CUL1: variants seen among roughly 807,000 people sequenced by gnomAD.
CUL1 encodes cullin-1.
A neutral mutation model predicts 118.0 loss-of-function variants in CUL1; 24 were observed. The ratio of observed to expected loss-of-function variants is 0.20; its 90% confidence interval spans 0.15 to 0.29. CUL1 has a LOEUF of 0.29. Among genes scored for constraint, CUL1 ranks in the 10% least tolerant of loss-of-function variants. The pLI is 1.00. For missense variants in CUL1, 361 were observed against 933.8 expected, an observed-to-expected ratio of 0.39 and a Z score of 7.99; for synonymous variants, 332 against 340.4, an observed-to-expected ratio of 0.98 and a Z score of 0.27.
At chr7:148,742,133 T>C (rs982406527) in intron 2 of CUL1, among the ~76,000 whole-genome samples, 2 of 152,216 alleles carry the variant, frequency 1.3e-5, no homozygotes, top group East Asian at 1.9e-4. Context: ...CTTCCTACAA[T>C]GAAGCCAACT....
intron 1 of CUL1, among the ~76,000 whole-genome samples, chr7:148,715,098 A>G (rs1422559693): frequency 6.6e-6 from 1 of 152,214 alleles, no homozygotes; most frequent in Non-Finnish European, 1.5e-5. Context: ...TGTTGTAATT[A>G]TGCTTGTATA....
intron 2 of CUL1, among the ~76,000 whole-genome samples, chr7:148,743,418 T>C (rs771895810): frequency 1.6e-4 from 25 of 152,202 alleles, no homozygotes; most frequent in Middle Eastern, 3.2e-3. Context: ...AGGGCTTTTC[T>C]TTTTTTCTTT....
At chr7:148,786,841 A>G (rs1457406149) in intron 12 of CUL1, 148 bp from the exon 13 acceptor site, 1 of 1,052,176 alleles carries the variant, frequency 9.5e-7, no homozygotes, top group Non-Finnish European at 1.4e-6. Flanking sequence ...TCTGGAGTGG[A>G]GATTTTGCCA....
chr7:148,707,100 G>A (rs1024515181), intron 1 of CUL1, among the ~76,000 whole-genome samples: 2 of 152,074 alleles, frequency 1.3e-5, no homozygotes, highest in African/African-American at 4.8e-5. Flanking sequence ...TACCTTTGAA[G>A]GAAGAAAACT....
intron 1 of CUL1, among the ~76,000 whole-genome samples, chr7:148,705,851 C>G (rs1797863308): frequency 6.6e-6 from 1 of 152,184 alleles, no homozygotes; most frequent in Non-Finnish European, 1.5e-5. Context: ...CAGACTGATT[C>G]TTCTGACTTC....
chr7:148,699,756 C>G (rs893744249), intron 1 of CUL1, among the ~76,000 whole-genome samples: 1 of 152,088 alleles, frequency 6.6e-6, no homozygotes, highest in Admixed American at 6.5e-5. Flanking sequence ...ACAGAGCCCC[C>G]CGGCGCCCGC....
rs1032686231 is a variant in CUL1, at chr7:148,721,185, T to A, written c.-161-8777T>A. ...GTAGCAAATAGATCACAAGAGAACA[T>A]AGCATGTTCCATGTTAAGAAGCAAG... On this transcript the variant is annotated intron_variant, in intron 1 of 21. Transcript: ENST00000325222. 2.0e-5 allele frequency among the ~76,000 whole-genome samples: 3 copies of A among 152,186 alleles called. No individual in the cohort carries two copies. In the East Asian group the frequency reaches 5.8e-4, roughly 29 times the overall value.
At chr7:148,714,091 G>A (rs1402123520) in intron 1 of CUL1, among the ~76,000 whole-genome samples, 1 of 152,212 alleles carries the variant, frequency 6.6e-6, no homozygotes, top group African/African-American at 2.4e-5. Context: ...TATCCATTTA[G>A]TAAAACTTTG....
At chr7:148,776,951 T>G (rs1330803208) in intron 9 of CUL1, among the ~76,000 whole-genome samples, 2 of 152,248 alleles carry the variant, frequency 1.3e-5, no homozygotes, top group Non-Finnish European at 2.9e-5. Context: ...TTTCATTCTC[T>G]TCAGAGAAGT....
chr7:148,746,433 G>GA (rs1482242911), intron 2 of CUL1, among the ~76,000 whole-genome samples: 1 of 152,164 alleles, frequency 6.6e-6, no homozygotes, highest in Non-Finnish European at 1.5e-5. Flanking sequence ...TGCCCTGAAA[G>GA]AACAAACCTT....
chr7:148,707,219 T>C (rs1040092605), intron 1 of CUL1, among the ~76,000 whole-genome samples: 3 of 152,154 alleles, frequency 2.0e-5, no homozygotes, highest in Non-Finnish European at 4.4e-5. Context: ...AATTGATGTG[T>C]TCATTTTTTT....
chr7:148,701,052 C>T (rs567039015), intron 1 of CUL1, among the ~76,000 whole-genome samples: 2 of 152,242 alleles, frequency 1.3e-5, no homozygotes, highest in Admixed American at 1.3e-4. Context: ...CCATACATTT[C>T]CGATTGTGAA....
chr7:148,757,104 G>A lies in CUL1; in HGVS notation c.437G>A (p.Arg146His). ...ICAYLNRHWV[R>H]RECDEGRKGI... ...GCCTACCTCAATAGACATTGGGTTC[G>A]CCGTGAATGTGACGAAGGACGAAAA... The change falls in exon 4 of 22, where the codon CGC (arginine) becomes CAC (histidine). Residue 146 changes from arginine (R) to histidine (H), a missense_variant. Transcript: ENST00000325222. 5 of 1,589,356 alleles carry A rather than the reference G, an allele frequency of 3.1e-6. No individual in the cohort carries two copies. The highest frequency in any genetic ancestry group is 4.3e-6 in the Non-Finnish European group (5 of 1,169,324).
At chr7:148,791,305 A>G (rs1801000148) in intron 16 of CUL1, among the ~76,000 whole-genome samples, 1 of 152,244 alleles carries the variant, frequency 6.6e-6, no homozygotes. Context: ...TCTGTGTTTA[A>G]GTATTAAGAA....
chr7:148,731,702 C>T (rs1268719486), intron 2 of CUL1, among the ~76,000 whole-genome samples: 4 of 152,160 alleles, frequency 2.6e-5, no homozygotes, highest in Admixed American at 1.3e-4. Context: ...CCTCTTCCCC[C>T]GAGGCCCTGG....
intron 1 of CUL1, among the ~76,000 whole-genome samples, chr7:148,714,924 C>G (rs1035090606): frequency 6.6e-6 from 1 of 152,136 alleles, no homozygotes; most frequent in African/African-American, 2.4e-5. Context: ...CTTGCCCTGT[C>G]CCTCAGGATG....
At chr7:148,750,794 T>C (rs954151415) in intron 2 of CUL1, among the ~76,000 whole-genome samples, 4 of 152,066 alleles carry the variant, frequency 2.6e-5, no homozygotes, top group African/African-American at 9.7e-5. Context: ...ATTCTGAAAA[T>C]CCTAAGGCCC....
intron 2 of CUL1, among the ~76,000 whole-genome samples, chr7:148,741,794 G>A (rs1436403730): frequency 6.6e-6 from 1 of 151,986 alleles, no homozygotes; most frequent in Non-Finnish European, 1.5e-5. Context: ...GGCTGGTCTC[G>A]AGCTCCTGGC....
chr7:148,712,642 G>A (rs1027266125), intron 1 of CUL1, among the ~76,000 whole-genome samples: 5 of 152,180 alleles, frequency 3.3e-5, no homozygotes, highest in Admixed American at 2.0e-4. Flanking sequence ...AATGCTTACC[G>A]TGTGTCAAGG....
Sources: gnomAD v4.1 joint callset for allele counts (sites outside exome capture counted in the v4.1 genomes callset) on GRCh38, gnomAD v4.1.1 for gene constraint, MANE v1.5 for transcripts, NCBI Gene and HGNC (gene_info 2026-07-23, HGNC 2026-07-21) for gene names.